NOTCH4: variants seen among roughly 807,000 people sequenced by gnomAD.
The protein encoded by NOTCH4 is neurogenic locus notch homolog protein 4.
A neutral mutation model predicts 189.0 loss-of-function variants in NOTCH4; 138 were observed. The observed-to-expected ratio is 0.73, with a 90% CI of 0.64 to 0.84. NOTCH4 has a LOEUF of 0.84. NOTCH4 is among the 40% of genes least tolerant of loss of function. The pLI is 0.00. For missense variants in NOTCH4, 2,286 were observed against 2,605.4 expected (o/e 0.88, Z 2.67); for synonymous variants, 942 against 1,032.8 (o/e 0.91, Z 1.69).
At position 32,222,734 on chromosome 6, in the gene NOTCH4, A is replaced by G. The variant is rs1238750993; in HGVS notation, c.228T>C (p.Asn76=). The change falls in exon 3 of 30, where the codon AAT becomes AAC. Residue 76 remains asparagine (N), a synonymous_variant. Transcript: ENST00000375023. ...DPCQNAQLCQ[N]GGSCQALLPA... ...GAAGCAGGGCTTGGCAGCTGCCTCC[A>G]TTTTGGCAGAGCTGGGCGTTCTGGC... is the stretch of plus-strand genomic sequence containing the variant. 3.1e-6 allele frequency: 5 copies of G among 1,611,322 alleles called. No individual in the cohort carries two copies. The highest frequency in any genetic ancestry group is 4.2e-6 in the Non-Finnish European group (5 of 1,179,060).
rs1008309847 is a variant in NOTCH4 at position 32,223,973 on chromosome 6, C to G, written c.-45G>C. The G allele has an allele frequency of 6.4e-7, 1 of 1,553,096 alleles. No individual in the cohort carries two copies. The stretch of plus-strand genomic sequence containing the variant: ...GCCCCGGTCCCTGTCCCTCTTCAGG[C>G]AGGGACCCTCAGAGCTCTCACTGGG... On this transcript the variant is annotated 5_prime_UTR_variant, in exon 1 of 30. Transcript: ENST00000375023.
chr6:32,216,899 G>A, intron 11 of NOTCH4, 46 bp downstream of exon 11: 1 of 1,610,398 alleles, frequency 6.2e-7, no homozygotes. Context: ...CAACCCAAAT[G>A]GAATAAAATA....
chr6:32,209,657 G>A (rs1788891395), intron 18 of NOTCH4, among the ~76,000 whole-genome samples: 1 of 152,054 alleles, frequency 6.6e-6, no homozygotes, highest in South Asian at 2.1e-4. Flanking sequence ...CTGAGCGGGT[G>A]GATCACTTTA....
intron 28 of NOTCH4, 64 bp from the exon 29 acceptor site, chr6:32,196,485 C>A: frequency 3.1e-6 from 5 of 1,588,384 alleles, no homozygotes; most frequent in Non-Finnish European, 4.3e-6. Context: ...TCCGGTTTCC[C>A]ACGGGTTCTG....
At chr6:32,219,556 C>G (rs779411581) in intron 8 of NOTCH4, 36 bp downstream of exon 8, 4 of 1,593,388 alleles carry the variant, frequency 2.5e-6, no homozygotes, top group Middle Eastern at 1.8e-4. Context: ...GACTAGTTCC[C>G]TGTTTTCCCC....
In NOTCH4 at chr6:32,200,886, G is replaced by T. The variant is rs1478972731; in HGVS notation, c.4260C>A (p.Ala1420=). The change falls in exon 23 of 30, where the codon GCC becomes GCA. Residue 1420 remains alanine, a synonymous_variant. Coordinates refer to ENST00000375023, the MANE Select transcript of NOTCH4 (RefSeq NM_004557.4). The surrounding 1 kb of genome is among the most constrained non-coding windows in gnomAD (Gnocchi z 5.0). ...GTGGTCCAGGCAGCAGGGGCTCCAG[G>T]GCTCCCACTGCAGCCATCGCAGCAA... The part of the protein sequence containing the change: ...RFLAAMAAVG[A]LEPLLPGPLL... 2 of 1,609,158 alleles carry T rather than the reference G, an allele frequency of 1.2e-6. No individual in the cohort carries two copies. The highest frequency in any genetic ancestry group is 1.7e-6 in the Non-Finnish European group (2 of 1,178,334).
rs1432530013 is a variant in NOTCH4 at position 32,195,818 on chromosome 6, C to G, written c.5631G>C (p.Leu1877=). 1 of 1,600,738 alleles carries G rather than the reference C, an allele frequency of 6.2e-7. No individual in the cohort carries two copies. Among genetic ancestry groups the G allele is most frequent in the Non-Finnish European group, 8.5e-7 (1 of 1,179,040 alleles). Residue 1877 remains leucine (L), a synonymous_variant, in exon 30 of 30, where the codon CTG becomes CTC. Transcript: ENST00000375023. The surrounding 1 kb of genome is among the most constrained non-coding windows in gnomAD (Gnocchi z 5.4). ...AGTCTACGGACCAAGTCCGAGCCTG[C>G]AGACAAGCTCCGCCCCCACGAGGGC... ...GAGPRGGGAC[L]QARTWSVDLA...
chr6:32,196,455 T>C, intron 28 of NOTCH4, 34 bp from the exon 29 acceptor site: 3 of 1,608,720 alleles, frequency 1.9e-6, no homozygotes, highest in Non-Finnish European at 2.5e-6. Context: ...TTACCCCAGT[T>C]GGGGGCCAGA....
chr6:32,196,188 A>G, intron 29 of NOTCH4, 38 bp from the exon 30 acceptor site: 2 of 1,594,400 alleles, frequency 1.3e-6, no homozygotes, highest in Non-Finnish European at 1.7e-6. Flanking sequence ...AGGGAAGGCC[A>G]CGCCCACAGG....
chr6:32,199,223 T>G lies in NOTCH4; in HGVS notation c.4316-78A>C. The G allele has an allele frequency of 8.9e-7, 1 of 1,127,140 alleles. No individual in the cohort carries two copies. The highest frequency in any genetic ancestry group is 1.2e-6 in the Non-Finnish European group (1 of 809,474). 69.8% of individuals were successfully genotyped at this position (1,127,140 alleles called of 1,614,324 possible). A position where few individuals can be genotyped will look rare whatever the true frequency, so the allele number is the denominator to read the frequency against. ...ACTATTGGGAGACCTTTGGACAAGT[T>G]TAGTAGCCGGTCTTTGCCTCGGTTT... On this transcript the variant is annotated intron_variant, in intron 23 of 29. Transcript: ENST00000375023. This position sits in a 1 kb window ranked among gnomAD's most constrained non-coding sequence, Gnocchi z 4.9.
At chr6:32,206,719 A>G (rs1788697583) in intron 18 of NOTCH4, among the ~76,000 whole-genome samples, 1 of 152,098 alleles carries the variant, frequency 6.6e-6, no homozygotes. Flanking sequence ...TCTGAACTGT[A>G]AAAGACCCAA....
In NOTCH4 at chr6:32,210,690, AC is replaced by A. The variant is rs1788952794; in HGVS notation, c.2865+61del. Reference sequence around the variant, plus strand: ...TACATTGGGTCTTCCCTCAGTCACTACTGTCTCTCCCATCCAGCCCACCCTT... The same window carrying A: ...TACATTGGGTCTTCCCTCAGTCACTATGTCTCTCCCATCCAGCCCACCCTT... On this transcript the variant is annotated intron_variant, in intron 18 of 29. Coordinates refer to ENST00000375023, the MANE Select transcript of NOTCH4 (RefSeq NM_004557.4). The surrounding 1 kb of genome is among the most constrained non-coding windows in gnomAD (Gnocchi z 4.8). 3 of 1,518,706 alleles carry A rather than the reference AC, an allele frequency of 2.0e-6. No homozygotes were observed. The South Asian group carries it at 3.4e-5, about 17-fold the overall frequency. 94.1% of individuals were successfully genotyped at this position (1,518,706 alleles called of 1,614,324 possible). A position where few individuals can be genotyped will look rare whatever the true frequency, so the allele number is the denominator to read the frequency against.
At chr6:32,207,216 A>G (rs1268606921) in intron 18 of NOTCH4, among the ~76,000 whole-genome samples, 1 of 150,982 alleles carries the variant, frequency 6.6e-6, no homozygotes, top group Non-Finnish European at 1.5e-5. Context: ...GGCATGAGCC[A>G]CCACTCCCGG....
intron 29 of NOTCH4, 67 bp from the exon 30 acceptor site, chr6:32,196,217 C>T (rs1787905967): frequency 1.2e-6 from 2 of 1,605,890 alleles, no homozygotes; most frequent in East Asian, 2.2e-5. Flanking sequence ...TTTCTGCCTT[C>T]ACTTGCGCGA....
rs760447830 is a variant in NOTCH4 at position 32,218,074 on chromosome 6, G to A, written c.1545C>T (p.Asn515=). The A allele has an allele frequency of 3.6e-5, 58 of 1,613,528 alleles. 1 individual carries two copies. The Admixed American group carries it at 4.2e-4, about 12-fold the overall frequency. ...LEGQLCEVET[N]ECASAPCLNH... The stretch of plus-strand genomic sequence containing the variant: ...TCAGGCAGGGAGCTGAGGCACACTC[G>A]TTGGTCTCCACCTCACAGAGCTGCC... The change falls in exon 9 of 30, where the codon AAC becomes AAT. Residue 515 remains asparagine (N), a synonymous_variant. Coordinates refer to ENST00000375023, the MANE Select transcript of NOTCH4 (RefSeq NM_004557.4).
chr6:32,221,476 C>A lies in NOTCH4; in HGVS notation c.452-151G>T, dbSNP rs1177894727. 6.2e-6 allele frequency: 4 copies of A among 645,364 alleles called. No homozygotes were observed. Among genetic ancestry groups the A allele is most frequent in the Non-Finnish European group, 1.1e-5 (4 of 376,046 alleles). 40.0% of individuals were successfully genotyped at this position (645,364 alleles called of 1,614,324 possible). ...TACTTTCTTTGCTCTGTTCCATCAC[C>A]CCTGCTCTGAGCGATGTCATGGCTT... On this transcript the variant is annotated intron_variant, in intron 3 of 29. Coordinates refer to ENST00000375023, the MANE Select transcript of NOTCH4 (RefSeq NM_004557.4). The surrounding 1 kb of genome is among the most constrained non-coding windows in gnomAD (Gnocchi z 4.3).
At position 32,220,558 on chromosome 6, in the gene NOTCH4, C is replaced by T. The variant is rs2127487627; in HGVS notation, c.1006G>A (p.Ala336Thr). 6.2e-7 allele frequency: 1 copy of T among 1,613,902 alleles called. No homozygotes were observed. Among genetic ancestry groups the T allele is most frequent in the Non-Finnish European group, 8.5e-7 (1 of 1,180,030 alleles). The change falls in exon 6 of 30, where the codon GCT (alanine) becomes ACT (threonine). Residue 336 changes from alanine to threonine, a missense_variant. Around this residue, in one of 2 missense-constraint regions of NOTCH4, gnomAD observed 1,903 missense variants for 2,261.9 expected, o/e 0.84. Transcript: ENST00000375023. ...CRNGGTCQNSAGSFHCVCVSG... is the reference protein window; with the variant it reads ...CRNGGTCQNSTGSFHCVCVSG... ...ACACACACGCAGTGAAAGCTACCAGCAGAGTTCTGGCAGGTGCCCCCGTTT... is the reference window on the plus strand; with the variant it reads ...ACACACACGCAGTGAAAGCTACCAGTAGAGTTCTGGCAGGTGCCCCCGTTT...
chr6:32,202,576 G>C lies in NOTCH4; in HGVS notation c.3255C>G (p.Ser1085Arg). Residue 1085 changes from serine (S) to arginine (R), a missense_variant, in exon 21 of 30, where the codon AGC (serine) becomes AGG (arginine). By Grantham distance (110) the Ser-to-Arg change is moderately radical. This residue lies in a region of NOTCH4 where 1,903 missense variants were observed against 2,261.9 expected (regional missense o/e 0.84). Coordinates refer to ENST00000375023, the MANE Select transcript of NOTCH4 (RefSeq NM_004557.4). This position sits in a 1 kb window ranked among gnomAD's most constrained non-coding sequence, Gnocchi z 5.7. ...CPKGFEGPTC[S>R]HRAPSCGFHH... is the part of the protein sequence containing the mutation. ...GGAAGCCGCAGGAAGGGGCCCTGTG[G>C]CTGCAGGTGGGGCCTTCAAAACCCT... 1 of 1,594,502 alleles carries C rather than the reference G, an allele frequency of 6.3e-7. No individual in the cohort carries two copies. Among genetic ancestry groups the C allele is most frequent in the Non-Finnish European group, 8.6e-7 (1 of 1,166,110 alleles).
chr6:32,213,326 T>C, intron 14 of NOTCH4, 74 bp from the exon 15 acceptor site: 1 of 931,898 alleles, frequency 1.1e-6, no homozygotes, highest in Admixed American at 1.9e-5. Context: ...ACACTGTACA[T>C]AGGACATACA....
Sources: gnomAD v4.1 joint callset for allele counts (sites outside exome capture counted in the v4.1 genomes callset) on GRCh38, gnomAD v4.1.1 for gene constraint, gnomAD v4.1.1 regional missense constraint, Gnocchi (gnomAD v3.1) non-coding constraint, MANE v1.5 for transcripts, NCBI Gene and HGNC (gene_info 2026-07-23, HGNC 2026-07-21) for gene names.